The following DGKH variants were observed in gnomAD, a reference collection of about 807,000 sequenced individuals.
The protein encoded by DGKH is DAG kinase eta.
A neutral mutation model predicts 159.3 loss-of-function variants in DGKH; 90 were observed. The observed-to-expected ratio is 0.57, with a 90% CI of 0.48 to 0.67. The LOEUF is 0.67. Among genes scored for constraint, DGKH ranks in the 30% least tolerant of loss-of-function variants. DGKH has a pLI of 0.00. For missense variants in DGKH, 1,181 were observed against 1,506.1 expected, an observed-to-expected ratio of 0.78 and a Z score of 3.57; for synonymous variants, 536 against 553.8, an observed-to-expected ratio of 0.97 and a Z score of 0.45.
At chr13:42,057,231 CAT>C (rs933405343) in intron 1 of DGKH, among the ~76,000 whole-genome samples, 2 of 152,104 alleles carry the variant, frequency 1.3e-5, no homozygotes, top group African/African-American at 2.4e-5. Flanking sequence ...TAAAAAGAAT[CAT>C]GTGAAGTAAT....
chr13:42,242,165 T>G lies in DGKH; in HGVS notation c.*12977T>G, dbSNP rs543607674. 5 of 152,366 alleles carry G rather than the reference T, an allele frequency of 3.3e-5. No individual in the cohort carries two copies. The highest frequency in any genetic ancestry group is 3.3e-4 in the Admixed American group (5 of 15,308). 9.4% of individuals were successfully genotyped at this position (152,366 alleles called of 1,614,324 possible). A position where few individuals can be genotyped will look rare whatever the true frequency, so the allele number is the denominator to read the frequency against. The stretch of plus-strand genomic sequence containing the variant: ...GACATTCAGCACATTCATTTTATCT[T>G]TCGATAAAGATAACCAGAAATCATT... On this transcript the variant is annotated 3_prime_UTR_variant, in exon 30 of 30. Transcript: ENST00000337343.
At chr13:42,212,289 A>G (rs927465512) in intron 24 of DGKH, among the ~76,000 whole-genome samples, 1 of 152,188 alleles carries the variant, frequency 6.6e-6, no homozygotes. Context: ...TGCTGGACCA[A>G]CATTCAGAAT....
At chr13:42,198,080 A>G (rs1957247193) in intron 17 of DGKH, among the ~76,000 whole-genome samples, 1 of 152,236 alleles carries the variant, frequency 6.6e-6, no homozygotes, top group South Asian at 2.1e-4. Flanking sequence ...ATTTGAGAAT[A>G]TGGAACTGAT....
chr13:42,060,228 G>C (rs1318466186), intron 1 of DGKH, among the ~76,000 whole-genome samples: 1 of 152,128 alleles, frequency 6.6e-6, no homozygotes, highest in Non-Finnish European at 1.5e-5. Context: ...CTTTCTTACT[G>C]TCTTTTCACT....
chr13:42,103,463 G>A (rs934848254), intron 1 of DGKH, among the ~76,000 whole-genome samples: 1 of 152,220 alleles, frequency 6.6e-6, no homozygotes, highest in Non-Finnish European at 1.5e-5. Context: ...AGCACCTGGA[G>A]ACAGGGCCAG....
chr13:42,162,204 T>C (rs753899319), intron 7 of DGKH, among the ~76,000 whole-genome samples: 3 of 152,186 alleles, frequency 2.0e-5, no homozygotes, highest in Non-Finnish European at 2.9e-5. Flanking sequence ...TTACATATTA[T>C]TTTGCCTTTA....
At chr13:42,103,158 G>A (rs1954684454) in intron 1 of DGKH, among the ~76,000 whole-genome samples, 1 of 152,150 alleles carries the variant, frequency 6.6e-6, no homozygotes, top group Non-Finnish European at 1.5e-5. Flanking sequence ...TGGGTAATTG[G>A]AAGCCTTGTG....
chr13:42,178,634 A>G (rs1343232201), intron 13 of DGKH, among the ~76,000 whole-genome samples: 2 of 152,214 alleles, frequency 1.3e-5, no homozygotes, highest in East Asian at 1.9e-4. Flanking sequence ...TTTCAAAATG[A>G]TGTTTCTCAG....
chr13:42,043,084 T>A (rs1880607890), intron 1 of DGKH, among the ~76,000 whole-genome samples: 1 of 152,200 alleles, frequency 6.6e-6, no homozygotes. Flanking sequence ...GTGACCTTTT[T>A]TGGGGTCAGC....
chr13:42,198,190 A>G (rs1176094803), intron 17 of DGKH, among the ~76,000 whole-genome samples: 2 of 152,234 alleles, frequency 1.3e-5, no homozygotes, highest in Non-Finnish European at 2.9e-5. Context: ...TATTTGTTAT[A>G]GAATTATTGG....
intron 1 of DGKH, among the ~76,000 whole-genome samples, chr13:42,064,878 A>G (rs1882448565): frequency 6.7e-6 from 1 of 148,962 alleles, no homozygotes; most frequent in Non-Finnish European, 1.5e-5. Flanking sequence ...TCTGATTTGG[A>G]TTTTTTTTTT....
intron 21 of DGKH, among the ~76,000 whole-genome samples, chr13:42,207,693 G>GTATATATATATATATATA (rs368253963): frequency 0.014 from 1,759 of 126,244 alleles, 43 homozygotes; most frequent in East Asian, 0.024. Flanking sequence ...TTATTAAAGT[G>GTATATATATATATATATA]TGTATATATA....
At chr13:42,165,838 T>A (rs1199709956) in intron 8 of DGKH, among the ~76,000 whole-genome samples, 1 of 152,148 alleles carries the variant, frequency 6.6e-6, no homozygotes, top group Non-Finnish European at 1.5e-5. Flanking sequence ...TTCCTATAAA[T>A]GCACTTTTCC....
chr13:42,110,842 C>T (rs527655648), intron 1 of DGKH, among the ~76,000 whole-genome samples: 2 of 152,350 alleles, frequency 1.3e-5, no homozygotes, highest in South Asian at 4.1e-4. Context: ...TTTGTACCTT[C>T]TGCATGTAAC....
rs1958401451 is a variant in DGKH, at chr13:42,235,783, TG to T, written c.*6598del. 1 of 152,182 alleles carries T rather than the reference TG, an allele frequency of 6.6e-6. No homozygotes were observed. The highest frequency in any genetic ancestry group is 1.5e-5 in the Non-Finnish European group (1 of 68,006). 9.4% of individuals were successfully genotyped at this position (152,182 alleles called of 1,614,324 possible). On this transcript the variant is annotated 3_prime_UTR_variant, in exon 30 of 30. Coordinates refer to ENST00000337343, the MANE Select transcript of DGKH (RefSeq NM_178009.5). ...TTCAAGTAATATATTTATCTACAGC[TG>T]GGAAAATATAATTATTTTCAAATCT... is the stretch of plus-strand genomic sequence containing the variant.
intron 11 of DGKH, among the ~76,000 whole-genome samples, chr13:42,171,828 C>CTTTTTTTTTTTTTTTT (rs541194131): frequency 9.8e-6 from 1 of 102,456 alleles, no homozygotes; most frequent in African/African-American, 3.8e-5. Flanking sequence ...ATATAAATTT[C>CTTTTTTTTTTTTTTTT]TTTTTTTTTT....
chr13:42,198,188 A>G (rs988011591), intron 17 of DGKH, among the ~76,000 whole-genome samples: 1 of 152,210 alleles, frequency 6.6e-6, no homozygotes, highest in Non-Finnish European at 1.5e-5. Flanking sequence ...TGTATTTGTT[A>G]TAGAATTATT....
intron 1 of DGKH, among the ~76,000 whole-genome samples, chr13:42,114,006 T>C (rs909730259): frequency 5.3e-5 from 8 of 152,326 alleles, no homozygotes; most frequent in African/African-American, 1.9e-4. Context: ...ATCTACTGTC[T>C]TTTAATTTCA....
intron 5 of DGKH, among the ~76,000 whole-genome samples, chr13:42,156,930 C>T (rs1440237180): frequency 6.6e-6 from 1 of 152,160 alleles, no homozygotes; most frequent in African/African-American, 2.4e-5. Flanking sequence ...TTAGGCTTTC[C>T]TCTCCTCATC....
Sources: allele counts gnomAD v4.1 joint callset (sites outside exome capture counted in the v4.1 genomes callset), GRCh38; gene constraint gnomAD v4.1.1; transcripts MANE v1.5; gene names NCBI Gene and HGNC (gene_info 2026-07-23, HGNC 2026-07-21).